Variants in PPP2R1B observed in about 807,000 individuals in gnomAD.
The protein encoded by PPP2R1B is serine/threonine-protein phosphatase 2A 65 kDa regulatory subunit A beta isoform.
Under a neutral mutation model 72.7 loss-of-function variants are expected in PPP2R1B, and 58 were observed. The ratio of observed to expected loss-of-function variants is 0.80; its 90% confidence interval spans 0.65 to 0.99. PPP2R1B has a LOEUF of 0.99. PPP2R1B is among the 50% of genes least tolerant of loss of function. The pLI is 0.00. For missense variants in PPP2R1B, 695 were observed against 733.6 expected, an observed-to-expected ratio of 0.95 and a Z score of 0.61; for synonymous variants, 256 against 264.6, an observed-to-expected ratio of 0.97 and a Z score of 0.32.
intron 10 of PPP2R1B, among the ~76,000 whole-genome samples, chr11:111,749,194 C>T (rs1229770662): frequency 1.3e-5 from 2 of 152,134 alleles, no homozygotes; most frequent in African/African-American, 4.8e-5. Flanking sequence ...TTGGCATACA[C>T]TTAGATTACG....
chr11:111,737,790 CGGGCCTTTTGGTG>C, downstream of PPP2R1B: 1 of 1,311,914 alleles, frequency 7.6e-7, no homozygotes, highest in Non-Finnish European at 1.0e-6. Context: ...GCCACCCCAT[CGGGCCTTTTGGTG>C]TCCACCTGGC....
At chr11:111,761,635 A>G (rs1215268775) in intron 3 of PPP2R1B, among the ~76,000 whole-genome samples, 1 of 152,212 alleles carries the variant, frequency 6.6e-6, no homozygotes, top group African/African-American at 2.4e-5. Flanking sequence ...ATAGGGCAGA[A>G]AGGAGTTTCT....
the PPP2R1B span, among the ~76,000 whole-genome samples, chr11:111,707,418 C>T: frequency 2.6e-5 from 4 of 152,092 alleles, no homozygotes; most frequent in Admixed American, 6.5e-5. Flanking sequence ...TTCTTATGTT[C>T]GATAATTTTT....
chr11:111,758,915 GATCTGAAAATGAGACTC>G (rs1474060940), intron 5 of PPP2R1B, among the ~76,000 whole-genome samples: 1 of 151,896 alleles, frequency 6.6e-6, no homozygotes, highest in African/African-American at 2.4e-5. Flanking sequence ...TTAGATTTAG[GATCTGAAAATGAGACTC>G]ATTAATATGT....
At chr11:111,721,943 G>A, downstream of PPP2R1B, 1 of 1,587,738 alleles carries the variant, frequency 6.3e-7, no homozygotes, top group East Asian at 2.3e-5. Context: ...GACTCCAGGT[G>A]GGTCCTTCTC....
chr11:111,755,258 G>A lies in PPP2R1B; in HGVS notation c.843+37C>T, dbSNP rs782307010. 13 of 1,572,606 alleles carry A rather than the reference G, an allele frequency of 8.3e-6. 1 individual carries two copies. The South Asian group carries it at 1.4e-4, about 17-fold the overall frequency. On this transcript the variant is annotated intron_variant, in intron 6 of 14. Transcript: ENST00000527614. ...ACAACAGCAAATCTATGTGTTTTCA[G>A]GTTTATTTCCTTAGTACTTAAAAAT...
At chr11:111,729,819 G>A (rs1214931441) in intron 15 of PPP2R1B, 1 of 152,306 alleles carries the variant, frequency 6.6e-6, no homozygotes, top group African/African-American at 2.4e-5. Flanking sequence ...GAACCAGGCT[G>A]AGGGAGACAA....
the PPP2R1B span, chr11:111,720,734 C>T: frequency 1.2e-6 from 2 of 1,604,108 alleles, no homozygotes; most frequent in African/African-American, 2.7e-5. Context: ...GAGAGGGCCG[C>T]AGAGCATCAG....
intron 9 of PPP2R1B, among the ~76,000 whole-genome samples, chr11:111,752,957 C>T (rs782315041): frequency 3.6e-5 from 5 of 138,192 alleles, no homozygotes; most frequent in African/African-American, 5.3e-5. Flanking sequence ...AGCAAGACTC[C>T]GTCTCAAAAA....
At chr11:111,722,386 A>C (rs1172421146), downstream of PPP2R1B, among the ~76,000 whole-genome samples, 2 of 152,182 alleles carry the variant, frequency 1.3e-5, no homozygotes, top group African/African-American at 4.8e-5. This position sits in a 1 kb window ranked among gnomAD's most constrained non-coding sequence, Gnocchi z 4.4. Flanking sequence ...TCAAGATCTA[A>C]CTCCACCTTT....
rs1359613741 is a variant in PPP2R1B at position 111,759,795 on chromosome 11, T to C, written c.687+9A>G. ...ATCTGTGTCCCTTAAATACTAAGAG[T>C]TAGTTTACCTGTTCATCTGAAGCTA... On this transcript the variant is annotated intron_variant, in intron 5 of 14. Transcript: ENST00000527614. 6.2e-7 allele frequency: 1 copy of C among 1,605,068 alleles called. No homozygotes were observed. The highest frequency in any genetic ancestry group is 1.3e-5 in the African/African-American group (1 of 74,812).
In PPP2R1B at chr11:111,759,817, GCTAGA is replaced by G; in HGVS notation, c.669_673del (p.Leu224PhefsTer3). The G allele has an allele frequency of 6.2e-7, 1 of 1,612,790 alleles. No individual in the cohort carries two copies. The highest frequency in any genetic ancestry group is 8.5e-7 in the Non-Finnish European group (1 of 1,179,148). ...GAGTTAGTTTACCTGTTCATCTGAA[GCTAGA>G]CTAGTGAACAGTGGAACAATTTCAC... On this transcript the variant is annotated frameshift_variant, in exon 5 of 15. Transcript: ENST00000527614. LOFTEE classifies it high-confidence loss of function.
In PPP2R1B at chr11:111,754,915, T is replaced by C. The variant is rs188865718; in HGVS notation, c.958+65A>G. ...ATTCTAGAACAAAAAACATGCAAAA[T>C]TGACTAACAAAAAAATGCACCAAAA... On this transcript the variant is annotated intron_variant, in intron 7 of 14. Transcript: ENST00000527614. 9.5e-5 allele frequency: 134 copies of C among 1,417,078 alleles called. No individual in the cohort carries two copies. In the East Asian group the frequency reaches 2.6e-3, roughly 27 times the overall value. The allele number at this position is 1,417,078 out of a possible 1,614,324, so 87.8% of individuals were successfully genotyped here.
chr11:111,747,805 A>C (rs1944757516), intron 11 of PPP2R1B, 149 bp downstream of exon 11: 1 of 635,734 alleles, frequency 1.6e-6, no homozygotes, highest in Non-Finnish European at 2.5e-6. Context: ...TCAAATTTAT[A>C]TTCAGAAGAT....
chr11:111,728,953 C>G (rs1312643780), intron 15 of PPP2R1B: 1 of 152,152 alleles, frequency 6.6e-6, no homozygotes, highest in Non-Finnish European at 1.5e-5. Flanking sequence ...AGAGCAGTAT[C>G]ATCTGCCTCT....
the PPP2R1B span, chr11:111,721,122 G>A: frequency 6.5e-7 from 1 of 1,531,424 alleles, no homozygotes; most frequent in East Asian, 2.3e-5. Context: ...AGTTTGTCCT[G>A]AAGATGGTCA....
chr11:111,724,315 C>A, downstream of PPP2R1B: 1 of 836,230 alleles, frequency 1.2e-6, no homozygotes, highest in Non-Finnish European at 1.8e-6. Flanking sequence ...TGCCCCACCA[C>A]AAAGTTTTCT....
At chr11:111,760,342 C>G (rs1158446375) in intron 4 of PPP2R1B, among the ~76,000 whole-genome samples, 1 of 152,064 alleles carries the variant, frequency 6.6e-6, no homozygotes, top group Non-Finnish European at 1.5e-5. Context: ...CCCACCATGC[C>G]CAGCTAATTT....
intron 5 of PPP2R1B, among the ~76,000 whole-genome samples, chr11:111,756,255 G>T (rs1432668406): frequency 6.7e-6 from 1 of 150,356 alleles, no homozygotes; most frequent in African/African-American, 2.4e-5. Flanking sequence ...TGCTCCCTTT[G>T]CCTGGAATGG....
Sources: allele counts gnomAD v4.1 joint callset (sites outside exome capture counted in the v4.1 genomes callset), GRCh38; gene constraint gnomAD v4.1.1; non-coding constraint Gnocchi (gnomAD v3.1); transcripts MANE v1.5; gene names NCBI Gene and HGNC (gene_info 2026-07-23, HGNC 2026-07-21).